CNTNAP2: variants seen among roughly 807,000 people sequenced by gnomAD.
CNTNAP2 encodes contactin associated protein 2.
In CNTNAP2, 98 loss-of-function variants were observed where a neutral mutation model predicts 155.2. The ratio of observed to expected loss-of-function variants is 0.63; its 90% confidence interval spans 0.54 to 0.75. The LOEUF is 0.75. Among genes scored for constraint, CNTNAP2 ranks in the 30% least tolerant of loss-of-function variants. The pLI is 0.00. For missense variants in CNTNAP2, 1,727 were observed against 1,688.1 expected, an observed-to-expected ratio of 1.02 and a Z score of -0.40; for synonymous variants, 651 against 631.2, an observed-to-expected ratio of 1.03 and a Z score of -0.47.
At chr7:148,022,119 G>A (rs1802289061) in intron 15 of CNTNAP2, among the ~76,000 whole-genome samples, 1 of 151,850 alleles carries the variant, frequency 6.6e-6, no homozygotes, top group Non-Finnish European at 1.5e-5. Context: ...CCTGATCCAA[G>A]TATTATATGT....
At chr7:146,331,655 A>G (rs1184667003) in intron 1 of CNTNAP2, among the ~76,000 whole-genome samples, 2 of 152,064 alleles carry the variant, frequency 1.3e-5, no homozygotes, top group Non-Finnish European at 2.9e-5. Flanking sequence ...AGGAAACTCA[A>G]AAAAAAACTG....
intron 1 of CNTNAP2, among the ~76,000 whole-genome samples, chr7:146,561,049 A>G (rs1408029804): frequency 2.6e-5 from 4 of 152,192 alleles, no homozygotes; most frequent in African/African-American, 7.2e-5. Context: ...CACAATCACA[A>G]ACATTTTTAA....
At chr7:147,737,770 G>A (rs556661174) in intron 13 of CNTNAP2, among the ~76,000 whole-genome samples, 2 of 152,288 alleles carry the variant, frequency 1.3e-5, no homozygotes, top group East Asian at 1.9e-4. Flanking sequence ...TCTCAGACAC[G>A]CTGTGCTAGC....
At chr7:148,294,455 C>T (rs1296562901) in intron 21 of CNTNAP2, among the ~76,000 whole-genome samples, 1 of 152,214 alleles carries the variant, frequency 6.6e-6, no homozygotes, top group African/African-American at 2.4e-5. Flanking sequence ...AGCTCTATAA[C>T]AATTTTGAAT....
intron 1 of CNTNAP2, among the ~76,000 whole-genome samples, chr7:146,330,920 A>C (rs969510621): frequency 1.3e-5 from 2 of 152,194 alleles, no homozygotes; most frequent in African/African-American, 2.4e-5. Flanking sequence ...TTCTGGAGAA[A>C]AGTAATACTA....
intron 8 of CNTNAP2, among the ~76,000 whole-genome samples, chr7:147,203,479 G>T (rs969566199): frequency 2.0e-5 from 3 of 152,068 alleles, no homozygotes; most frequent in Admixed American, 1.3e-4. Context: ...TGATCCGCCC[G>T]CCTCGGCCTT....
At chr7:147,196,469 C>G (rs1406861215) in intron 8 of CNTNAP2, among the ~76,000 whole-genome samples, 1 of 152,152 alleles carries the variant, frequency 6.6e-6, no homozygotes, top group Non-Finnish European at 1.5e-5. Context: ...CCATTTTTGC[C>G]ACTGTCTTTT....
chr7:148,158,413 G>A (rs905707445), intron 17 of CNTNAP2, among the ~76,000 whole-genome samples: 11 of 151,978 alleles, frequency 7.2e-5, no homozygotes, highest in African/African-American at 2.7e-4. Context: ...AGTAGAGATA[G>A]GATTTCACCA....
chr7:147,542,987 G>A (rs1799666367), intron 11 of CNTNAP2, among the ~76,000 whole-genome samples: 1 of 152,188 alleles, frequency 6.6e-6, no homozygotes, highest in South Asian at 2.1e-4. Context: ...CTCAGCTGGG[G>A]AGACCCTAAC....
At chr7:148,271,507 G>A (rs142645647) in intron 21 of CNTNAP2, among the ~76,000 whole-genome samples, 12 of 152,358 alleles carry the variant, frequency 7.9e-5, no homozygotes, top group African/African-American at 2.4e-4. Flanking sequence ...CAGCGGTGAC[G>A]CTGAGATTTG....
chr7:147,312,666 G>T, intron 9 of CNTNAP2, among the ~76,000 whole-genome samples: 1 of 108,046 alleles, frequency 9.3e-6, no homozygotes. Flanking sequence ...TATCATTGTT[G>T]GACATTTGGG....
intron 8 of CNTNAP2, among the ~76,000 whole-genome samples, chr7:147,188,389 A>T (rs1229095686): frequency 6.6e-6 from 1 of 152,230 alleles, no homozygotes; most frequent in Non-Finnish European, 1.5e-5. Flanking sequence ...GGTACTTCAC[A>T]TACACGCATG....
chr7:146,486,872 T>C (rs901999240), intron 1 of CNTNAP2, among the ~76,000 whole-genome samples: 1 of 152,180 alleles, frequency 6.6e-6, no homozygotes, highest in Non-Finnish European at 1.5e-5. Flanking sequence ...CTTCTATGTA[T>C]TCCCCTCACC....
At chr7:147,819,807 G>A (rs970430126) in intron 13 of CNTNAP2, among the ~76,000 whole-genome samples, 7 of 151,956 alleles carry the variant, frequency 4.6e-5, no homozygotes, top group Admixed American at 1.3e-4. Flanking sequence ...TATACTCTTC[G>A]AGGTCTGACT....
intron 8 of CNTNAP2, among the ~76,000 whole-genome samples, chr7:147,263,275 A>T (rs1326328837): frequency 6.6e-6 from 1 of 151,978 alleles, no homozygotes; most frequent in Non-Finnish European, 1.5e-5. Context: ...GTGGGAGGAT[A>T]GCTTCAGCCC....
intron 13 of CNTNAP2, among the ~76,000 whole-genome samples, chr7:147,762,977 G>A (rs751810391): frequency 2.6e-5 from 4 of 152,230 alleles, no homozygotes; most frequent in South Asian, 2.1e-4. Context: ...GTAAAGATCC[G>A]GCTGGGTGCG....
At chr7:146,508,860 A>G (rs1797424629) in intron 1 of CNTNAP2, among the ~76,000 whole-genome samples, 1 of 152,198 alleles carries the variant, frequency 6.6e-6, no homozygotes, top group African/African-American at 2.4e-5. Context: ...AGCCAAAATC[A>G]AACCAATCCA....
intron 22 of CNTNAP2, among the ~76,000 whole-genome samples, chr7:148,405,980 C>G (rs938873811): frequency 6.6e-6 from 1 of 152,040 alleles, no homozygotes; most frequent in Non-Finnish European, 1.5e-5. Flanking sequence ...CGCCTGTAAT[C>G]CCAGCACTTT....
chr7:147,805,298 G>A (rs1798072531), intron 13 of CNTNAP2, among the ~76,000 whole-genome samples: 1 of 152,090 alleles, frequency 6.6e-6, no homozygotes, highest in South Asian at 2.1e-4. Context: ...GCCAAGCCCA[G>A]TATCATTCTT....
Sources: gnomAD v4.1 joint callset for allele counts (sites outside exome capture counted in the v4.1 genomes callset) on GRCh38, gnomAD v4.1.1 for gene constraint, MANE v1.5 for transcripts, NCBI Gene and HGNC (gene_info 2026-07-23, HGNC 2026-07-21) for gene names.